INPP5A: variants seen among roughly 807,000 people sequenced by gnomAD.
INPP5A encodes the protein 43 kDa inositol polyphosphate 5-phophatase.
A neutral mutation model predicts 65.2 loss-of-function variants in INPP5A; 14 were observed. The ratio of observed to expected loss-of-function variants is 0.21; its 90% CI spans 0.14 to 0.34. INPP5A has a LOEUF of 0.34. INPP5A is among the 10% of genes least tolerant of loss of function. The pLI is 1.00. For missense variants in INPP5A, 431 were observed against 545.6 expected, an observed-to-expected ratio of 0.79 and a Z score of 2.09; for synonymous variants, 207 against 208.3, an observed-to-expected ratio of 0.99 and a Z score of 0.05.
chr10:132,765,244 G>C (rs1470808693), intron 11 of INPP5A, among the ~76,000 whole-genome samples: 1 of 152,088 alleles, frequency 6.6e-6, no homozygotes, highest in African/African-American at 2.4e-5. Flanking sequence ...AGAGTCTCAG[G>C]GGGCAAGGCC....
chr10:132,755,145 G>A (rs1447056732), intron 11 of INPP5A, among the ~76,000 whole-genome samples: 2 of 152,018 alleles, frequency 1.3e-5, no homozygotes, highest in African/African-American at 4.8e-5. Flanking sequence ...CAGCATGTGT[G>A]AGCAAGCATA....
intron 4 of INPP5A, among the ~76,000 whole-genome samples, chr10:132,684,861 C>T (rs927997842): frequency 3.3e-5 from 5 of 152,184 alleles, no homozygotes; most frequent in Non-Finnish European, 5.9e-5. Context: ...CGTGAGGCCG[C>T]GTCCTTCATT....
At chr10:132,756,477 G>A (rs1484894362) in intron 11 of INPP5A, among the ~76,000 whole-genome samples, 1 of 152,208 alleles carries the variant, frequency 6.6e-6, no homozygotes, top group Non-Finnish European at 1.5e-5. Flanking sequence ...CTACATATGT[G>A]ACTAAGGTTT....
intron 11 of INPP5A, among the ~76,000 whole-genome samples, chr10:132,760,246 C>T (rs1846707870): frequency 6.6e-6 from 1 of 152,246 alleles, no homozygotes; most frequent in African/African-American, 2.4e-5. Flanking sequence ...CCGGGCCTGG[C>T]TGCAGCCCAG....
At chr10:132,722,127 C>T (rs894244998) in intron 8 of INPP5A, among the ~76,000 whole-genome samples, 3 of 152,036 alleles carry the variant, frequency 2.0e-5, no homozygotes, top group African/African-American at 4.8e-5. Flanking sequence ...TTTATACTGT[C>T]GATGTTTTTG....
At chr10:132,767,547 C>T (rs1191580276) in intron 12 of INPP5A, among the ~76,000 whole-genome samples, 1 of 152,200 alleles carries the variant, frequency 6.6e-6, no homozygotes, top group Non-Finnish European at 1.5e-5. Flanking sequence ...CCCTGCCAGG[C>T]ATGCCAGCCT....
chr10:132,633,536 C>T (rs1294654274), intron 2 of INPP5A, among the ~76,000 whole-genome samples: 1 of 152,184 alleles, frequency 6.6e-6, no homozygotes, highest in Non-Finnish European at 1.5e-5. Flanking sequence ...GGGCACCGCA[C>T]CTCCTCCAGA....
At position 132,588,992 on chromosome 10, in the gene INPP5A, G is replaced by T. The variant is rs2071583668; in HGVS notation, c.76-18923G>T. On this transcript the variant is annotated intron_variant, in intron 1 of 15. Coordinates refer to ENST00000368594, the MANE Select transcript of INPP5A (RefSeq NM_005539.5). ...GTTGTGGTCCCACGTTCTGGTGTGTGTCGCCATCGGTGGTCACTGTTTCTT... is the reference window on the plus strand; with the variant it reads ...GTTGTGGTCCCACGTTCTGGTGTGTTTCGCCATCGGTGGTCACTGTTTCTT... Among the ~76,000 whole-genome samples the T allele has an allele frequency of 2.0e-5, 3 of 151,978 alleles. No homozygotes were observed. In the South Asian group the frequency reaches 6.2e-4, roughly 32 times the overall value.
chr10:132,749,634 G>A, intron 10 of INPP5A, 22 bp downstream of exon 10: 1 of 1,610,104 alleles, frequency 6.2e-7, no homozygotes, highest in Non-Finnish European at 8.5e-7. Flanking sequence ...CTGTGACTGG[G>A]CAGGTGACGC....
chr10:132,710,275 A>T (rs765555073), intron 7 of INPP5A, 62 bp from the exon 8 acceptor site: 30 of 1,579,718 alleles, frequency 1.9e-5, no homozygotes, highest in Admixed American at 1.8e-4. Context: ...TCCTTGGGAG[A>T]ACGAAGTGTG....
chr10:132,622,101 C>G (rs922483126), intron 2 of INPP5A, among the ~76,000 whole-genome samples: 1 of 152,124 alleles, frequency 6.6e-6, no homozygotes, highest in African/African-American at 2.4e-5. Context: ...TTTACATTAG[C>G]TATCAATAAT....
chr10:132,664,360 G>A (rs913198195), intron 4 of INPP5A, among the ~76,000 whole-genome samples: 1 of 152,224 alleles, frequency 6.6e-6, no homozygotes. Flanking sequence ...GATGCTGTGA[G>A]CCGTGTGTAC....
At chr10:132,733,736 G>A (rs984722245) in intron 9 of INPP5A, among the ~76,000 whole-genome samples, 1 of 152,166 alleles carries the variant, frequency 6.6e-6, no homozygotes, top group African/African-American at 2.4e-5. Context: ...CTCTGCGTGT[G>A]AACGGGGTGA....
intron 12 of INPP5A, 62 bp from the exon 13 acceptor site, chr10:132,777,609 C>G: frequency 6.8e-7 from 1 of 1,467,934 alleles, no homozygotes; most frequent in Non-Finnish European, 9.4e-7. Context: ...GCACAGCCGT[C>G]CCTTTGGGGC....
In INPP5A at chr10:132,734,821, G is replaced by A. The variant is rs143838220; in HGVS notation, c.732+7916G>A. ...TCCTAGAAGCATCTGCATTTTAAAG[G>A]AGAGGGAGTGTCGGAGTCAAAGGCC... On this transcript the variant is annotated intron_variant, in intron 9 of 15. Coordinates refer to ENST00000368594, the MANE Select transcript of INPP5A (RefSeq NM_005539.5). Among the ~76,000 whole-genome samples, 72 of 152,324 alleles carry A rather than the reference G, an allele frequency of 4.7e-4. 1 individual carries two copies. In the East Asian group the frequency reaches 0.013, roughly 28 times the overall value.
chr10:132,652,863 G>A (rs1297631908), intron 4 of INPP5A, among the ~76,000 whole-genome samples: 3 of 152,186 alleles, frequency 2.0e-5, no homozygotes, highest in Non-Finnish European at 2.9e-5. Flanking sequence ...TTTTTGGGAG[G>A]ACATAGCGGT....
At position 132,782,231 on chromosome 10, in the gene INPP5A, A is replaced by C; in HGVS notation, c.*202A>C. 3 of 599,044 alleles carry C rather than the reference A, an allele frequency of 5.0e-6. No individual in the cohort carries two copies. Among genetic ancestry groups the C allele is most frequent in the Middle Eastern group, 4.6e-4 (1 of 2,184 alleles). 37.1% of individuals were successfully genotyped at this position (599,044 alleles called of 1,614,324 possible). On this transcript the variant is annotated 3_prime_UTR_variant, in exon 16 of 16. Coordinates refer to ENST00000368594, the MANE Select transcript of INPP5A (RefSeq NM_005539.5). This position sits in a 1 kb window ranked among gnomAD's most constrained non-coding sequence, Gnocchi z 4.4. ...CCTCACTGTCTCGTCTGTCTATGTG[A>C]CATTAAGTAGAAATATTGGTTTTTT... is the stretch of plus-strand genomic sequence containing the variant.
intron 12 of INPP5A, 105 bp from the exon 13 acceptor site, chr10:132,777,566 C>A: frequency 3.2e-6 from 3 of 944,594 alleles, no homozygotes; most frequent in Non-Finnish European, 4.9e-6. Context: ...CCAGGTAGTG[C>A]TGGCCATTCT....
intron 12 of INPP5A, among the ~76,000 whole-genome samples, chr10:132,773,248 T>C (rs1846987721): frequency 6.6e-6 from 1 of 152,234 alleles, no homozygotes; most frequent in Non-Finnish European, 1.5e-5. Context: ...TCAAAGTTTT[T>C]ATCATACGCA....
Sources: allele counts gnomAD v4.1 joint callset (sites outside exome capture counted in the v4.1 genomes callset), GRCh38; gene constraint gnomAD v4.1.1; non-coding constraint Gnocchi (gnomAD v3.1); transcripts MANE v1.5; gene names NCBI Gene and HGNC (gene_info 2026-07-23, HGNC 2026-07-21).